The following AP5B1 variants were observed in gnomAD, a reference collection of about 807,000 sequenced individuals.
The protein encoded by AP5B1 is adaptor related protein complex 5 subunit beta 1.
In AP5B1, 3 loss-of-function variants were observed where a neutral mutation model predicts 5.7. The observed-to-expected ratio is 0.53, with a 90% confidence interval of 0.24 to 1.36. The LOEUF is 1.36. Among genes scored for constraint, AP5B1 ranks in the 40% most tolerant of loss-of-function variants. The pLI, the probability that AP5B1 is intolerant of heterozygous loss-of-function variation, is 0.17. For synonymous variants in AP5B1, 696 were observed against 555.5 expected (o/e 1.25, Z -3.56); for missense variants, 1,310 against 1,143.2 (o/e 1.15, Z -2.10).
chr11:65,778,030 C>T lies in AP5B1; in HGVS notation c.2463G>A (p.Val821=), dbSNP rs748400859. The change falls in exon 2 of 2, where the codon GTG becomes GTA. Residue 821 remains valine (V), a synonymous_variant. Coordinates refer to ENST00000532090, the MANE Select transcript of AP5B1 (RefSeq NM_138368.5). Reference sequence around the variant, plus strand: ...CACAGTAGCTGGTAGGAGGCTGGGCCACCACCACAAAAGGCTCCAGGTGGC... The same window carrying T: ...CACAGTAGCTGGTAGGAGGCTGGGCTACCACCACAAAAGGCTCCAGGTGGC... ...VSRHLEPFVV[V]AQPPTSYCVA... 1.2e-6 allele frequency: 2 copies of T among 1,612,616 alleles called. No individual in the cohort carries two copies. Among genetic ancestry groups the T allele is most frequent in the South Asian group, 2.2e-5 (2 of 91,078 alleles).
rs1857789916 is a variant in AP5B1 at position 65,778,176 on chromosome 11, G to A, written c.2317C>T (p.Pro773Ser). The A allele has an allele frequency of 1.2e-6, 2 of 1,613,106 alleles. No homozygotes were observed. Among genetic ancestry groups the A allele is most frequent in the Non-Finnish European group, 8.5e-7 (1 of 1,179,904 alleles). The stretch of plus-strand genomic sequence containing the variant: ...AAGCCCAGCCCGGCCCCCTCTGGAG[G>A]CTGCGGGAAAGGCAGAAAGAGGTCG... ...FADLFLPFPQ[P>S]PEGAGLGFFE... is the part of the protein sequence containing the mutation. Residue 773 changes from proline (P) to serine (S), a missense_variant, in exon 2 of 2, where the codon CCT (proline) becomes TCT (serine). Coordinates refer to ENST00000532090, the MANE Select transcript of AP5B1 (RefSeq NM_138368.5).
At position 65,778,555 on chromosome 11, in the gene AP5B1, G is replaced by A. The variant is rs375471747; in HGVS notation, c.1938C>T (p.Ala646=). 29 of 1,582,374 alleles carry A rather than the reference G, an allele frequency of 1.8e-5. No homozygotes were observed. Among genetic ancestry groups the A allele is most frequent in the Non-Finnish European group, 2.2e-5 (26 of 1,166,492 alleles). ...GTGCTGCCACAAAGCCCTGGTTCTC[G>A]GCCACCAGTGAAGAGGCCAGTGCAG... ...AAPALASSLV[A]ENQGFVAALM... is the part of the protein sequence containing the mutation. The change falls in exon 2 of 2, where the codon GCC becomes GCT. Residue 646 remains alanine, a synonymous_variant. Coordinates refer to ENST00000532090, the MANE Select transcript of AP5B1 (RefSeq NM_138368.5).
In AP5B1 at chr11:65,778,843, T is replaced by C. The variant is rs748881315; in HGVS notation, c.1650A>G (p.Gly550=). The stretch of plus-strand genomic sequence containing the variant: ...AGTTGAGGGTAGCACTCTGGGCATC[T>C]CCATCTGCCACCTTTGCCAGCATTT... ...HLQMLAKVAD[G]DAQSATLNFL... The change falls in exon 2 of 2, where the codon GGA becomes GGG. Residue 550 remains glycine (G), a synonymous_variant. Transcript: ENST00000532090. 6.2e-7 allele frequency: 1 copy of C among 1,609,702 alleles called. No individual in the cohort carries two copies. Among genetic ancestry groups the C allele is most frequent in the Non-Finnish European group, 8.5e-7 (1 of 1,177,990 alleles).
In AP5B1 at chr11:65,777,795, C is replaced by T; in HGVS notation, c.*61G>A. ...ATGCAGGGTTTTGGCGACAGAGCTA[C>T]AGGAGTGTGCCTTGGCCCCCACAAG... On this transcript the variant is annotated 3_prime_UTR_variant, in exon 2 of 2. Coordinates refer to ENST00000532090, the MANE Select transcript of AP5B1 (RefSeq NM_138368.5). 4.2e-6 allele frequency: 6 copies of T among 1,443,644 alleles called. No homozygotes were observed. The highest frequency in any genetic ancestry group is 5.5e-6 in the Non-Finnish European group (6 of 1,095,432). The allele number at this position is 1,443,644 out of a possible 1,614,324, so 89.4% of individuals were successfully genotyped here.
In AP5B1 at chr11:65,775,776, C is replaced by T. The variant is rs1413098395; in HGVS notation, c.*2080G>A. ...AAGTTTCTGTTTCCTGAAACTGACC[C>T]CTTCCTGATTTGGAAATGACTTGCC... On this transcript the variant is annotated 3_prime_UTR_variant, in exon 2 of 2. Coordinates refer to ENST00000532090, the MANE Select transcript of AP5B1 (RefSeq NM_138368.5). 1 of 152,202 alleles carries T rather than the reference C, an allele frequency of 6.6e-6. No individual in the cohort carries two copies. Among genetic ancestry groups the T allele is most frequent in the Non-Finnish European group, 1.5e-5 (1 of 68,040 alleles). The allele number at this position is 152,202 out of a possible 1,614,324, so 9.4% of individuals were successfully genotyped here.
chr11:65,778,395 C>A lies in AP5B1; in HGVS notation c.2098G>T (p.Glu700Ter). ...TCCAGGGGTGCATACAGCTGTCCTT[C>A]CACACGGAAGCGCAGCTCCAGAGAG... ...IYSLELRFRV[E>*]GQLYAPLEAV... Residue 700 changes from glutamate (E) to a stop codon, truncating the protein, a stop_gained, in exon 2 of 2, where the codon GAA becomes TAA. Transcript: ENST00000532090. LOFTEE classifies it low-confidence loss of function (END_TRUNC). 6.3e-7 allele frequency: 1 copy of A among 1,598,776 alleles called. No individual in the cohort carries two copies. The highest frequency in any genetic ancestry group is 8.5e-7 in the Non-Finnish European group (1 of 1,174,390).
Position 65,777,267 on chromosome 11 carries a change from G to C in AP5B1, c.*589C>G, listed in dbSNP as rs1160141340. ...AGATTTTTCCCCTGCCTCCTGGGCA[G>C]AGATTCTGGAGAGCACTAGTGTGTC... On this transcript the variant is annotated 3_prime_UTR_variant, in exon 2 of 2. Coordinates refer to ENST00000532090, the MANE Select transcript of AP5B1 (RefSeq NM_138368.5). 1 of 152,434 alleles carries C rather than the reference G, an allele frequency of 6.6e-6. No individual in the cohort carries two copies. The highest frequency in any genetic ancestry group is 2.4e-5 in the African/African-American group (1 of 41,476). 9.4% of individuals were successfully genotyped at this position (152,434 alleles called of 1,614,324 possible).
At position 65,778,008 on chromosome 11, in the gene AP5B1, A is replaced by G. The variant is rs1203809792; in HGVS notation, c.2485T>C (p.Cys829Arg). 7 of 1,612,362 alleles carry G rather than the reference A, an allele frequency of 4.3e-6. No individual in the cohort carries two copies. The highest frequency in any genetic ancestry group is 1.3e-5 in the African/African-American group (1 of 75,054). The part of the protein sequence containing the change: ...VVVAQPPTSY[C>R]VAIHLPPDSK... ...TCCGGGGGCAGGTGGATTGCTACAC[A>G]GTAGCTGGTAGGAGGCTGGGCCACC... The change falls in exon 2 of 2, where the codon TGT becomes CGT. Residue 829 changes from cysteine (C) to arginine (R), a missense_variant. Coordinates refer to ENST00000532090, the MANE Select transcript of AP5B1 (RefSeq NM_138368.5).
rs114368095 is a variant in AP5B1 at position 65,780,304 on chromosome 11, C to T, written c.189G>A (p.Gln63=). Residue 63 remains glutamine (Q), a synonymous_variant, in exon 2 of 2, where the codon CAG becomes CAA. Coordinates refer to ENST00000532090, the MANE Select transcript of AP5B1 (RefSeq NM_138368.5). Reference sequence around the variant, plus strand: ...CGGCCGCAGAGGCGTCGGGCCACAGCTGCGCAGGGTACTCCATGCTCAGGG... The same window carrying T: ...CGGCCGCAGAGGCGTCGGGCCACAGTTGCGCAGGGTACTCCATGCTCAGGG... The part of the protein sequence containing the change: ...LLALSMEYPA[Q]LWPDASAAEV... The T allele has an allele frequency of 4.8e-3, 7,198 of 1,497,264 alleles. 275 individuals are homozygous for T. The African/African-American group carries it at 0.083, about 17-fold the overall frequency. The allele number at this position is 1,497,264 out of a possible 1,614,324, so 92.7% of individuals were successfully genotyped here. A position where few individuals can be genotyped will look rare whatever the true frequency, so the allele number is the denominator to read the frequency against.
chr11:65,778,651 G>A lies in AP5B1; in HGVS notation c.1842C>T (p.Leu614=), dbSNP rs1479713499. ...CCAGGTGTGCCAGCAGGATGTAGTA[G>A]AGGCGGGCGTGGTCACGCCCATCAG... ...EDPDGRDHAR[L]YYILLAHLAA... Residue 614 remains leucine, a synonymous_variant, in exon 2 of 2, where the codon CTC becomes CTT. Transcript: ENST00000532090. 1 of 1,566,172 alleles carries A rather than the reference G, an allele frequency of 6.4e-7. No individual in the cohort carries two copies. Among genetic ancestry groups the A allele is most frequent in the Non-Finnish European group, 8.6e-7 (1 of 1,158,978 alleles).
Position 65,779,078 on chromosome 11 carries a change from A to C in AP5B1, c.1415T>G (p.Val472Gly). Residue 472 changes from valine (V) to glycine (G), a missense_variant, in exon 2 of 2, where the codon GTG (valine) becomes GGG (glycine). Coordinates refer to ENST00000532090, the MANE Select transcript of AP5B1 (RefSeq NM_138368.5). ...AGGTTGCCCAGCCAGGCAGCAGGCC[A>C]CCAGATACGAGGCCTGGAAGCAGAG... ...ATLCFQASYL[V>G]ACCLAGQPTV... The C allele has an allele frequency of 6.2e-7, 1 of 1,608,548 alleles. No homozygotes were observed.
rs1857827432 is a variant in AP5B1, at chr11:65,779,993, C to A, written c.500G>T (p.Gly167Val). Residue 167 changes from glycine (G) to valine (V), a missense_variant, in exon 2 of 2, where the codon GGC (glycine) becomes GTC (valine). Physicochemically the swap from Gly to Val is moderately radical, Grantham distance 109. Transcript: ENST00000532090. ...CAGGCCCCGCAGCAACCCCAGGGAGCCCCCCAGCAGCCCGGGCTTGCAGCT... is the reference window on the plus strand; with the variant it reads ...CAGGCCCCGCAGCAACCCCAGGGAGACCCCCAGCAGCCCGGGCTTGCAGCT... ...LESCKPGLLG[G>V]SLGLLRGLLG... The A allele has an allele frequency of 2.6e-6, 4 of 1,568,262 alleles. No individual in the cohort carries two copies. Among genetic ancestry groups the A allele is most frequent in the Non-Finnish European group, 3.5e-6 (4 of 1,157,212 alleles).
In AP5B1 at chr11:65,777,821, G is replaced by A. The variant is rs1191665521; in HGVS notation, c.*35C>T. 1 of 1,469,164 alleles carries A rather than the reference G, an allele frequency of 6.8e-7. No homozygotes were observed. Among genetic ancestry groups the A allele is most frequent in the Admixed American group, 2.6e-5 (1 of 38,576 alleles). 91.0% of individuals were successfully genotyped at this position (1,469,164 alleles called of 1,614,324 possible). On this transcript the variant is annotated 3_prime_UTR_variant, in exon 2 of 2. Coordinates refer to ENST00000532090, the MANE Select transcript of AP5B1 (RefSeq NM_138368.5). Reference sequence around the variant, plus strand: ...AGGAGTGTGCCTTGGCCCCCACAAGGGCCACAGTCCTGCCCCCACCTGGTC... The same window carrying A: ...AGGAGTGTGCCTTGGCCCCCACAAGAGCCACAGTCCTGCCCCCACCTGGTC...
rs115862115 is a variant in AP5B1, at chr11:65,778,501, T to C, written c.1992A>G (p.Val664=). Residue 664 remains valine (V), a synonymous_variant, in exon 2 of 2, where the codon GTA becomes GTG. Coordinates refer to ENST00000532090, the MANE Select transcript of AP5B1 (RefSeq NM_138368.5). ...CCCGATGGGACCCCAGGCTCAGCCG[T>C]ACCAGGGCCGGTGCCTCCTGCACCA... ...ALMVQEAPAL[V]RLSLGSHRVK... 2.7e-3 allele frequency: 4,182 copies of C among 1,573,816 alleles called. 75 individuals carry two copies. The African/African-American group carries it at 0.048, about 18-fold the overall frequency.
chr11:65,777,854 G>A lies in AP5B1; in HGVS notation c.*2C>T. The A allele has an allele frequency of 6.6e-7, 1 of 1,519,004 alleles. No individual in the cohort carries two copies. The highest frequency in any genetic ancestry group is 8.8e-7 in the Non-Finnish European group (1 of 1,130,148). 94.1% of individuals were successfully genotyped at this position (1,519,004 alleles called of 1,614,324 possible). A position where few individuals can be genotyped will look rare whatever the true frequency, so the allele number is the denominator to read the frequency against. On this transcript the variant is annotated 3_prime_UTR_variant, in exon 2 of 2. Coordinates refer to ENST00000532090, the MANE Select transcript of AP5B1 (RefSeq NM_138368.5). ...TCCTGCCCCCACCTGGTCTCCCGGG[G>A]CTCAGACAGCAGCCGCCAGCCCACG... is the stretch of plus-strand genomic sequence containing the variant.
chr11:65,779,328 C>A lies in AP5B1; in HGVS notation c.1165G>T (p.Ala389Ser). 1 of 1,596,776 alleles carries A rather than the reference C, an allele frequency of 6.3e-7. No individual in the cohort carries two copies. ...AGCTGGGGCCCTAGCAGCAGTGGGG[C>A]AGCCTCCTCACCTTCAGGGCCCAGC... ...WPLGPEGEEA[A>S]PLLLGPQLCR... is the part of the protein sequence containing the mutation. Residue 389 changes from alanine (A) to serine (S), a missense_variant, in exon 2 of 2, where the codon GCC (alanine) becomes TCC (serine). Transcript: ENST00000532090.
Position 65,779,762 on chromosome 11 carries a change from G to A in AP5B1, c.731C>T (p.Ala244Val), listed in dbSNP as rs781543436. The change falls in exon 2 of 2, where the codon GCA becomes GTA. Residue 244 changes from alanine to valine, a missense_variant. Coordinates refer to ENST00000532090, the MANE Select transcript of AP5B1 (RefSeq NM_138368.5). ...RLQPQAPSWP[A>V]AEEGEGERSL... ...ACGCTCCCCCTCTCCCTCCTCAGCT[G>A]CCGGCCAGCTGGGTGCCTGGGGCTG... The A allele has an allele frequency of 3.1e-6, 5 of 1,587,794 alleles. No individual in the cohort carries two copies. The highest frequency in any genetic ancestry group is 1.8e-5 in the Admixed American group (1 of 56,496).
chr11:65,774,505 G>C lies in AP5B1; in HGVS notation c.*3351C>G, dbSNP rs1209247060. ...CAGTTCACTGCAACCTCCACCTCCC[G>C]GGTTCAAGCGATTCTCCTGCCTCAG... is the stretch of plus-strand genomic sequence containing the variant. On this transcript the variant is annotated 3_prime_UTR_variant, in exon 2 of 2. Transcript: ENST00000532090. Among the ~76,000 whole-genome samples the C allele has an allele frequency of 2.0e-5, 3 of 152,050 alleles. No individual in the cohort carries two copies. Among genetic ancestry groups the C allele is most frequent in the South Asian group, 2.1e-4 (1 of 4,818 alleles).
chr11:65,778,261 G>A lies in AP5B1; in HGVS notation c.2232C>T (p.Tyr744=), dbSNP rs1857791549. 3 of 1,613,352 alleles carry A rather than the reference G, an allele frequency of 1.9e-6. No individual in the cohort carries two copies. The highest frequency in any genetic ancestry group is 1.3e-5 in the African/African-American group (1 of 75,068). ...GGCACGTGAGACCAGTGGATGTGGT[G>A]TAAAGGGCATGGACATCCAGCCGTG... ...APARLDVHAL[Y]TTSTGLTCHA... is the part of the protein sequence containing the mutation. Residue 744 remains tyrosine, a synonymous_variant, in exon 2 of 2, where the codon TAC becomes TAT. Transcript: ENST00000532090.
Sources: allele counts gnomAD v4.1 joint callset (sites outside exome capture counted in the v4.1 genomes callset), GRCh38; gene constraint gnomAD v4.1.1; transcripts MANE v1.5; gene names NCBI Gene and HGNC (gene_info 2026-07-23, HGNC 2026-07-21).